CAST: variants seen among roughly 807,000 people sequenced by gnomAD.
CAST encodes the protein calpastatin, also known as MIR583 host.
In CAST, 76 loss-of-function variants were observed where a neutral mutation model predicts 119.6. The ratio of observed to expected loss-of-function variants is 0.64; its 90% confidence interval spans 0.53 to 0.77. The LOEUF (loss-of-function observed/expected upper bound fraction) is 0.77. Among genes scored for constraint, CAST ranks in the 30% least tolerant of loss-of-function variants. CAST has a pLI of 0.00. For synonymous variants in CAST, 319 were observed against 331.6 expected, an observed-to-expected ratio of 0.96 and a Z score of 0.41; for missense variants, 953 against 946.5, an observed-to-expected ratio of 1.01 and a Z score of -0.09.
intron 15 of CAST, 93 bp from the exon 16 acceptor site, chr5:96,742,562 T>C (rs1011597884): frequency 3.6e-6 from 3 of 835,262 alleles, no homozygotes; most frequent in African/African-American, 3.4e-5. Context: ...ATATTCAGTT[T>C]ATAATCTAAA....
chr5:96,425,062 AAG>A, the CAST span, among the ~76,000 whole-genome samples: 1 of 142,436 alleles, frequency 7.0e-6, no homozygotes, highest in East Asian at 2.1e-4. Context: ...GAAAGAAAGA[AAG>A]AAAGAAAGAA....
intron 3 of CAST, among the ~76,000 whole-genome samples, chr5:96,701,440 A>G (rs1195132322): frequency 1.3e-5 from 2 of 152,160 alleles, no homozygotes; most frequent in African/African-American, 2.4e-5. Flanking sequence ...CTTTTAGTCT[A>G]TTTTTAAAAA....
the CAST span, among the ~76,000 whole-genome samples, chr5:96,171,926 C>T: frequency 8.5e-5 from 13 of 152,224 alleles, no homozygotes; most frequent in African/African-American, 3.1e-4. Flanking sequence ...GTCCCCACCC[C>T]CCCACGCCCC....
rs1335746309 is a variant in CAST, at chr5:96,757,572, G to A, written c.1762-11G>A. 6.2e-7 allele frequency: 1 copy of A among 1,613,414 alleles called. No homozygotes were observed. Among genetic ancestry groups the A allele is most frequent in the Admixed American group, 1.7e-5 (1 of 60,012 alleles). On this transcript the variant is annotated splice_polypyrimidine_tract_variant and intron_variant, in intron 23 of 31. Transcript: ENST00000675179. ...AATGGTGTTTGTTGATACATTTCCT[G>A]GTTCTTGCAGCCCATGAGTGAAGAC...
the CAST span, among the ~76,000 whole-genome samples, chr5:96,401,034 C>A: frequency 7.7e-6 from 1 of 129,232 alleles, no homozygotes; most frequent in African/African-American, 3.1e-5. Context: ...TTGCAGTGAG[C>A]CAAGATTGTG....
At chr5:96,488,305 C>T in the CAST span, among the ~76,000 whole-genome samples, 135,946 of 152,092 alleles carry the variant, frequency 0.89, 61,124 homozygotes, top group Non-Finnish European at 0.95. Flanking sequence ...ATATTTCTTC[C>T]TGCATGATAA....
chr5:96,019,440 G>A, the CAST span, among the ~76,000 whole-genome samples: 2 of 152,268 alleles, frequency 1.3e-5, no homozygotes, highest in South Asian at 2.1e-4. Flanking sequence ...CATTGGACTT[G>A]CTCTGGGGGA....
At chr5:96,036,611 T>C in the CAST span, among the ~76,000 whole-genome samples, 1 of 152,178 alleles carries the variant, frequency 6.6e-6, no homozygotes, top group Non-Finnish European at 1.5e-5. Context: ...TTTTATTGCT[T>C]AGGAAACTTT....
chr5:96,741,462 G>A, intron 14 of CAST, 32 bp from the exon 15 acceptor site: 2 of 1,557,632 alleles, frequency 1.3e-6, no homozygotes. Flanking sequence ...TTCCTCATCT[G>A]TAAGTCTAAT....
At chr5:96,442,064 A>G in the CAST span, among the ~76,000 whole-genome samples, 8 of 152,238 alleles carry the variant, frequency 5.3e-5, no homozygotes, top group African/African-American at 1.9e-4. Context: ...ACTGAGTCAC[A>G]GGTAAGCAAG....
At chr5:95,997,701 T>A in the CAST span, among the ~76,000 whole-genome samples, 1 of 152,140 alleles carries the variant, frequency 6.6e-6, no homozygotes, top group African/African-American at 2.4e-5. Flanking sequence ...CCTGTTCAGA[T>A]GACATCTTTT....
the CAST span, among the ~76,000 whole-genome samples, chr5:96,320,619 T>G: frequency 6.6e-6 from 1 of 152,158 alleles, no homozygotes. Context: ...CAAGTTGGCA[T>G]TAACATAAAC....
At chr5:96,160,031 T>C in the CAST span, among the ~76,000 whole-genome samples, 1 of 151,448 alleles carries the variant, frequency 6.6e-6, no homozygotes, top group Non-Finnish European at 1.5e-5. Context: ...TCCAAGCTAC[T>C]TGGGAGCCTG....
In CAST at chr5:96,774,418, T is replaced by C; in HGVS notation, c.*1802T>C. On this transcript the variant is annotated 3_prime_UTR_variant, in exon 32 of 32. Coordinates refer to ENST00000675179, the MANE Select transcript of CAST (RefSeq NM_001750.7). The stretch of plus-strand genomic sequence containing the variant: ...TTAATAACTAATAACTGGAGTAAGC[T>C]ACAGGATCTAAAGCAGCCCTTTTTA... 2 of 685,812 alleles carry C rather than the reference T, an allele frequency of 2.9e-6. No homozygotes were observed. Among genetic ancestry groups the C allele is most frequent in the Non-Finnish European group, 3.6e-6 (2 of 554,114 alleles). 42.5% of individuals were successfully genotyped at this position (685,812 alleles called of 1,614,324 possible). A position where few individuals can be genotyped will look rare whatever the true frequency, so the allele number is the denominator to read the frequency against.
the CAST span, among the ~76,000 whole-genome samples, chr5:96,424,520 G>T: frequency 6.6e-6 from 1 of 152,154 alleles, no homozygotes; most frequent in Non-Finnish European, 1.5e-5. Flanking sequence ...TCTGTTAAAT[G>T]GGCATAATTA....
intron 21 of CAST, 142 bp from the exon 22 acceptor site, chr5:96,754,516 G>C: frequency 1.6e-6 from 1 of 630,122 alleles, no homozygotes; most frequent in Non-Finnish European, 2.9e-6. Flanking sequence ...AGATGAAGTT[G>C]CTGTAGGAGC....
At chr5:96,097,043 C>G in the CAST span, among the ~76,000 whole-genome samples, 1 of 152,122 alleles carries the variant, frequency 6.6e-6, no homozygotes, top group Admixed American at 6.5e-5. Flanking sequence ...TTAAGTTTGA[C>G]GTAGGACCCA....
chr5:96,248,218 AC>A, the CAST span, among the ~76,000 whole-genome samples: 1 of 151,724 alleles, frequency 6.6e-6, no homozygotes, highest in Non-Finnish European at 1.5e-5. Context: ...TCCCTCTTGG[AC>A]CCTTTTTGAA....
intron 1 of CAST, among the ~76,000 whole-genome samples, chr5:96,567,041 T>G (rs1362640089): frequency 6.6e-6 from 1 of 152,184 alleles, no homozygotes; most frequent in African/African-American, 2.4e-5. Context: ...TTGCTGCAAA[T>G]TATATGGGAG....
Sources: gnomAD v4.1 joint callset for allele counts (sites outside exome capture counted in the v4.1 genomes callset) on GRCh38, gnomAD v4.1.1 for gene constraint, MANE v1.5 for transcripts, NCBI Gene and HGNC (gene_info 2026-07-23, HGNC 2026-07-21) for gene names.